WDFY2: variants seen among roughly 807,000 people sequenced by gnomAD.
WDFY2 encodes WD repeat and FYVE domain containing 2.
Under a neutral mutation model 56.4 loss-of-function variants are expected in WDFY2, and 36 were observed. The ratio of observed to expected loss-of-function variants is 0.64; its 90% confidence interval spans 0.49 to 0.84. The LOEUF (loss-of-function observed/expected upper bound fraction) is 0.84, where lower values mean the gene tolerates loss of function less well. WDFY2 is among the 40% of genes least tolerant of loss of function. The pLI is 0.00. For synonymous variants in WDFY2, 176 were observed against 183.7 expected (o/e 0.96, Z 0.34); for missense variants, 444 against 512.2 (o/e 0.87, Z 1.29).
chr13:51,650,741 G>A (rs1375616410), intron 1 of WDFY2, among the ~76,000 whole-genome samples: 1 of 152,158 alleles, frequency 6.6e-6, no homozygotes, highest in Admixed American at 6.5e-5. Flanking sequence ...TGTTGAACCA[G>A]CCTTGCATCC....
intron 4 of WDFY2, among the ~76,000 whole-genome samples, chr13:51,703,971 A>G (rs1952036470): frequency 6.6e-6 from 1 of 152,230 alleles, no homozygotes; most frequent in Non-Finnish European, 1.5e-5. Context: ...AAGCTGCCTT[A>G]ATAGGACTCA....
At chr13:51,737,108 GTCAAGTGAGACCATC>G (rs965737516) in intron 6 of WDFY2, among the ~76,000 whole-genome samples, 2 of 152,136 alleles carry the variant, frequency 1.3e-5, no homozygotes, top group Non-Finnish European at 2.9e-5. Context: ...GGCTTAGTCA[GTCAAGTGAGACCATC>G]TCAGAGATTG....
intron 5 of WDFY2, among the ~76,000 whole-genome samples, chr13:51,723,506 G>GT (rs1435388025): frequency 1.3e-5 from 2 of 152,062 alleles, no homozygotes. Flanking sequence ...TACTGAATCA[G>GT]TTCTCCTGCA....
At position 51,650,415 on chromosome 13, in the gene WDFY2, C is replaced by T. The variant is rs376023515; in HGVS notation, c.138-10181C>T. On this transcript the variant is annotated intron_variant, in intron 1 of 11. Transcript: ENST00000298125. ...ATTGAATACCCTTTATTTCCTTCTC[C>T]TGCCCGATTGCCCTGGCCAGAACTT... Among the ~76,000 whole-genome samples, 6 of 152,190 alleles carry T rather than the reference C, an allele frequency of 3.9e-5. No homozygotes were observed. The South Asian group carries it at 1.0e-3, about 26-fold the overall frequency.
In WDFY2 at chr13:51,707,939, CTTTTTTTTTTTTTTT is replaced by C. The variant is rs56054205; in HGVS notation, c.334+4307_334+4321del. Among the ~76,000 whole-genome samples, 11 of 57,560 alleles carry C rather than the reference CTTTTTTTTTTTTTTT, an allele frequency of 1.9e-4. 1 individual carries two copies. The South Asian group carries it at 3.7e-3, about 19-fold the overall frequency. The allele number at this position is 57,560 out of a possible 152,430, so 37.8% of individuals were successfully genotyped here. A position where few individuals can be genotyped will look rare whatever the true frequency, so the allele number is the denominator to read the frequency against. ...ATATATACTATTAACCCTAAAACAA[CTTTTTTTTTTTTTTT>C]TTTTTTTTTTTTTTTTTGGAGACTG... On this transcript the variant is annotated intron_variant, in intron 4 of 11. Transcript: ENST00000298125.
intron 1 of WDFY2, among the ~76,000 whole-genome samples, chr13:51,628,404 C>T (rs866212634): frequency 6.6e-6 from 1 of 152,222 alleles, no homozygotes; most frequent in Non-Finnish European, 1.5e-5. Flanking sequence ...GAGGCCAGGG[C>T]GTGGGAGCAG....
intron 2 of WDFY2, among the ~76,000 whole-genome samples, chr13:51,671,326 C>T (rs1007000273): frequency 2.6e-5 from 4 of 152,116 alleles, no homozygotes; most frequent in African/African-American, 7.2e-5. Context: ...GTTTGCATTC[C>T]CACCAGCAGC....
At chr13:51,650,099 A>G (rs1399499515) in intron 1 of WDFY2, among the ~76,000 whole-genome samples, 1 of 151,840 alleles carries the variant, frequency 6.6e-6, no homozygotes, top group Non-Finnish European at 1.5e-5. Context: ...TTCGTTGAGC[A>G]GTGGTTTGTA....
chr13:51,692,859 C>A (rs1292674535), intron 3 of WDFY2, among the ~76,000 whole-genome samples: 1 of 152,142 alleles, frequency 6.6e-6, no homozygotes, highest in Non-Finnish European at 1.5e-5. Context: ...TTGATTATTG[C>A]CACAATTTCA....
At chr13:51,665,829 C>T (rs1356054612) in intron 2 of WDFY2, among the ~76,000 whole-genome samples, 1 of 152,198 alleles carries the variant, frequency 6.6e-6, no homozygotes, top group African/African-American at 2.4e-5. Flanking sequence ...ATGGAATTTA[C>T]TTTGGCTCCT....
intron 1 of WDFY2, among the ~76,000 whole-genome samples, chr13:51,643,691 A>G (rs1238460207): frequency 6.6e-6 from 1 of 152,098 alleles, no homozygotes; most frequent in Non-Finnish European, 1.5e-5. Flanking sequence ...TCCAGCCTCC[A>G]TGATCTTCTG....
At chr13:51,609,871 G>A (rs945708533) in intron 1 of WDFY2, among the ~76,000 whole-genome samples, 2 of 152,070 alleles carry the variant, frequency 1.3e-5, no homozygotes, top group African/African-American at 2.4e-5. Flanking sequence ...TAGGAGATCT[G>A]ATTTAGAGCA....
chr13:51,695,559 G>A (rs9741046), intron 3 of WDFY2, among the ~76,000 whole-genome samples: 1 of 152,180 alleles, frequency 6.6e-6, no homozygotes, highest in Non-Finnish European at 1.5e-5. Flanking sequence ...TCTCAGAGGA[G>A]TACCCAGCTG....
chr13:51,636,855 T>C (rs894861324), intron 1 of WDFY2, among the ~76,000 whole-genome samples: 9 of 152,192 alleles, frequency 5.9e-5, no homozygotes, highest in Admixed American at 3.3e-4. Flanking sequence ...AACAGGCTTT[T>C]CAACAAATGG....
chr13:51,737,551 TAAAAAAA>T (rs67418551), intron 6 of WDFY2, among the ~76,000 whole-genome samples: 11 of 53,240 alleles, frequency 2.1e-4, no homozygotes, highest in African/African-American at 2.8e-4. Context: ...ACAATGAATT[TAAAAAAA>T]AAAAAAAAAA....
chr13:51,643,942 G>A (rs1472181752), intron 1 of WDFY2, among the ~76,000 whole-genome samples: 1 of 152,054 alleles, frequency 6.6e-6, no homozygotes, highest in Admixed American at 6.6e-5. Context: ...ATTATTCAGG[G>A]AATTTCTTGT....
chr13:51,684,151 C>T (rs777055975), intron 3 of WDFY2, among the ~76,000 whole-genome samples: 4 of 152,068 alleles, frequency 2.6e-5, no homozygotes, highest in African/African-American at 7.2e-5. Context: ...ACAAATTTCA[C>T]GGTTGCAAAA....
intron 1 of WDFY2, among the ~76,000 whole-genome samples, chr13:51,603,882 G>A (rs899959771): frequency 5.9e-5 from 9 of 152,178 alleles, no homozygotes; most frequent in African/African-American, 2.2e-4. Flanking sequence ...ACATAAATGA[G>A]TAAAGTGGCA....
chr13:51,622,281 C>G lies in WDFY2; in HGVS notation c.137+37457C>G, dbSNP rs547467603. 2.8e-4 allele frequency among the ~76,000 whole-genome samples: 43 copies of G among 152,272 alleles called. No homozygotes were observed. In the Middle Eastern group the frequency reaches 0.014, roughly 48 times the overall value. ...GCAGTTGACATTCCTCTCTCTCCCC[C>G]CCTCCTTTTTTTTGAGTCCCTTCTC... On this transcript the variant is annotated intron_variant, in intron 1 of 11. Coordinates refer to ENST00000298125, the MANE Select transcript of WDFY2 (RefSeq NM_052950.4).
Sources: allele counts gnomAD v4.1 joint callset (sites outside exome capture counted in the v4.1 genomes callset), GRCh38; gene constraint gnomAD v4.1.1; transcripts MANE v1.5; gene names NCBI Gene and HGNC (gene_info 2026-07-23, HGNC 2026-07-21).